The following RTL4 variants were observed in gnomAD, a reference collection of about 807,000 sequenced individuals.
RTL4 encodes the protein retrotransposon Gag like 4.
RTL4 carries 4 observed loss-of-function variants against 5.3 expected under a neutral mutation model. That is an observed-to-expected ratio of 0.75 (90% CI 0.37 to 1.72). RTL4 has a LOEUF of 1.72. RTL4 is among the 40% of genes most tolerant of loss of function. The pLI is 0.04. For synonymous variants in RTL4, 98 were observed against 87.3 expected (o/e 1.12, Z -0.68); for missense variants, 260 against 227.1 (o/e 1.14, Z -0.93).
chrX:112,234,491 A>G, the RTL4 span, among the ~76,000 whole-genome samples: 1 of 111,105 alleles, frequency 9.0e-6, no homozygotes, highest in East Asian at 2.9e-4. Flanking sequence ...CATTAACTCT[A>G]TATATTCCTG....
the RTL4 span, among the ~76,000 whole-genome samples, chrX:112,179,468 G>A: frequency 3.6e-5 from 4 of 111,913 alleles, no homozygotes; most frequent in Admixed American, 3.8e-4. Flanking sequence ...TGTTGGGTCG[G>A]TTCACCAAGC....
the RTL4 span, among the ~76,000 whole-genome samples, chrX:112,141,441 C>T: frequency 3.5e-4 from 39 of 111,474 alleles, no homozygotes; most frequent in Admixed American, 6.7e-4. Context: ...TTGCTATATC[C>T]TCTGGCACAA....
At chrX:112,311,635 C>A in the RTL4 span, among the ~76,000 whole-genome samples, 1 of 110,973 alleles carries the variant, frequency 9.0e-6, no homozygotes, top group African/African-American at 3.3e-5. Context: ...TTCCTTTACA[C>A]CTTGAAAGCC....
At chrX:112,321,856 G>T in the RTL4 span, among the ~76,000 whole-genome samples, 1 of 111,026 alleles carries the variant, frequency 9.0e-6, no homozygotes, top group Non-Finnish European at 1.9e-5. Context: ...TAAACAATAT[G>T]TTTCAATGGA....
At chrX:112,304,462 T>A in the RTL4 span, among the ~76,000 whole-genome samples, 2 of 110,460 alleles carry the variant, frequency 1.8e-5, no homozygotes, top group African/African-American at 3.3e-5. Flanking sequence ...CGATTTAAAA[T>A]TTTTTAAAGG....
At chrX:112,389,347 C>A in the RTL4 span, among the ~76,000 whole-genome samples, 4 of 97,163 alleles carry the variant, frequency 4.1e-5, no homozygotes, top group Admixed American at 1.1e-4. Context: ...AAAAAAAAAA[C>A]AACTCCTGGA....
chrX:112,412,441 C>G, the RTL4 span, among the ~76,000 whole-genome samples: 1 of 111,535 alleles, frequency 9.0e-6, no homozygotes, highest in East Asian at 2.8e-4. Context: ...ATCACATTAC[C>G]TGACTTCAAA....
chrX:112,335,042 G>A, the RTL4 span, among the ~76,000 whole-genome samples: 1 of 111,615 alleles, frequency 9.0e-6, no homozygotes, highest in Non-Finnish European at 1.9e-5. Flanking sequence ...TAATTTCTAT[G>A]GCCTGGAATA....
the RTL4 span, among the ~76,000 whole-genome samples, chrX:112,411,415 T>C: frequency 3.6e-5 from 4 of 111,292 alleles, no homozygotes; most frequent in African/African-American, 9.8e-5. Flanking sequence ...GGAAACTATA[T>C]GCCAATATCC....
chrX:112,258,208 G>T, the RTL4 span, among the ~76,000 whole-genome samples: 7 of 109,923 alleles, frequency 6.4e-5, no homozygotes, highest in South Asian at 3.9e-4. Context: ...AATGAAATTG[G>T]TGCATACATA....
the RTL4 span, among the ~76,000 whole-genome samples, chrX:112,214,867 C>A: frequency 1.8e-5 from 2 of 110,262 alleles, no homozygotes; most frequent in Admixed American, 1.9e-4. Flanking sequence ...TGGCTCACTG[C>A]AAACTCCGCC....
the RTL4 span, among the ~76,000 whole-genome samples, chrX:112,125,975 G>A: frequency 0.014 from 1,530 of 111,578 alleles, 10 homozygotes; most frequent in Non-Finnish European, 0.021. Flanking sequence ...AGGTGAGAGA[G>A]AAGTTACACA....
At chrX:112,210,737 C>T in the RTL4 span, among the ~76,000 whole-genome samples, 2 of 111,897 alleles carry the variant, frequency 1.8e-5, no homozygotes, top group South Asian at 7.5e-4. Context: ...GGTTTTAGGG[C>T]ATCCCGTCCA....
chrX:112,162,614 T>C, the RTL4 span, among the ~76,000 whole-genome samples: 2 of 111,821 alleles, frequency 1.8e-5, no homozygotes, highest in African/African-American at 6.5e-5. Flanking sequence ...GATAACATCA[T>C]ATGGGGAAGG....
the RTL4 span, among the ~76,000 whole-genome samples, chrX:112,231,677 A>T: frequency 5.4e-5 from 6 of 110,133 alleles, no homozygotes; most frequent in Admixed American, 1.9e-4. Context: ...CATATGTAAC[A>T]AACCTGCACA....
the RTL4 span, among the ~76,000 whole-genome samples, chrX:112,371,595 G>A: frequency 1.8e-5 from 2 of 111,742 alleles, no homozygotes; most frequent in African/African-American, 6.5e-5. Context: ...CATCTAATGT[G>A]TAATGACTTG....
chrX:112,263,614 T>C, the RTL4 span, among the ~76,000 whole-genome samples: 4 of 112,132 alleles, frequency 3.6e-5, no homozygotes, highest in Non-Finnish European at 7.5e-5. Context: ...TCTCCAAGTT[T>C]ACTCATCTTG....
chrX:112,398,458 G>T, the RTL4 span, among the ~76,000 whole-genome samples: 7 of 92,389 alleles, frequency 7.6e-5, no homozygotes, highest in African/African-American at 3.0e-4. Flanking sequence ...GGAGTGCAGT[G>T]GTGTGATCTC....
the RTL4 span, among the ~76,000 whole-genome samples, chrX:112,318,321 T>G: frequency 8.9e-6 from 1 of 111,802 alleles, no homozygotes; most frequent in Admixed American, 9.5e-5. Flanking sequence ...AAGTTCCTTT[T>G]ACTCCCTATG....
Sources: allele counts gnomAD v4.1 joint callset (sites outside exome capture counted in the v4.1 genomes callset), GRCh38; gene constraint gnomAD v4.1.1; transcripts MANE v1.5; gene names NCBI Gene and HGNC (gene_info 2026-07-23, HGNC 2026-07-21).